The following DMKN variants were observed in gnomAD, a reference collection of about 807,000 sequenced individuals.
DMKN encodes epidermis-specific secreted protein SK30/SK89.
Under a neutral mutation model 67.6 loss-of-function variants are expected in DMKN, and 58 were observed. The observed-to-expected ratio is 0.86, with a 90% CI of 0.69 to 1.07. The LOEUF is 1.07. Ranked by LOEUF, DMKN falls within the 50% of genes least tolerant of loss-of-function variation. The pLI, the probability that DMKN is intolerant of heterozygous loss-of-function variation, is 0.00. For synonymous variants in DMKN, 240 were observed against 232.3 expected (o/e 1.03, Z -0.30); for missense variants, 596 against 601.5 (o/e 0.99, Z 0.10).
Position 35,511,474 on chromosome 19 carries a change from GCTGCCGCC to G in DMKN, c.847_854del (p.Gly283GlnfsTer14). ...CACTGTTGCCACTGCTGCCACCACT[GCTGCCGCC>G]ACTGCTGCCGCCACTGCTGCTGCCA... On this transcript the variant is annotated frameshift_variant, in exon 5 of 16. Coordinates refer to ENST00000339686, the MANE Select transcript of DMKN (RefSeq NM_033317.5). LOFTEE classifies it high-confidence loss of function. 1 of 934,740 alleles carries G rather than the reference GCTGCCGCC, an allele frequency of 1.1e-6. No individual in the cohort carries two copies. 57.9% of individuals were successfully genotyped at this position (934,740 alleles called of 1,614,324 possible).
chr19:35,512,848 G>C, intron 1 of DMKN, 58 bp from the exon 2 acceptor site: 4 of 1,571,014 alleles, frequency 2.5e-6, no homozygotes, highest in Non-Finnish European at 3.4e-6. Flanking sequence ...GTAGAGAAGA[G>C]CCAGGGCAAA....
intron 5 of DMKN, chr19:35,510,618 T>C: frequency 1.4e-6 from 2 of 1,422,884 alleles, no homozygotes; most frequent in Non-Finnish European, 1.9e-6. Context: ...GTAGCTGCCT[T>C]GGTCACCATT....
chr19:35,506,243 A>G, intron 7 of DMKN: 2 of 1,445,542 alleles, frequency 1.4e-6, no homozygotes, highest in Non-Finnish European at 1.8e-6. Context: ...CATGCCTGCC[A>G]CCTGTCAACC....
intron 11 of DMKN, among the ~76,000 whole-genome samples, chr19:35,501,001 G>A (rs552860388): frequency 5.9e-5 from 9 of 152,270 alleles, no homozygotes; most frequent in African/African-American, 2.2e-4. Context: ...TTGAAGGAGG[G>A]GTTGTTATCT....
In DMKN at chr19:35,513,350, G is replaced by A. The variant is rs1249455488; in HGVS notation, c.126C>T (p.Gly42=). 1 of 1,613,826 alleles carries A rather than the reference G, an allele frequency of 6.2e-7. No homozygotes were observed. The highest frequency in any genetic ancestry group is 8.5e-7 in the Non-Finnish European group (1 of 1,180,032). ...CCCCTTCGCTCAGGGCGTCTCCCAG[G>A]CCATGTCCAAGGGCCTCCCCAATAT... The part of the protein sequence containing the change: ...GTNIGEALGH[G]LGDALSEGVG... The change falls in exon 1 of 16, where the codon GGC becomes GGT. Residue 42 remains glycine, a synonymous_variant. Coordinates refer to ENST00000339686, the MANE Select transcript of DMKN (RefSeq NM_033317.5).
In DMKN at chr19:35,501,797, G is replaced by T. The variant is rs370780944; in HGVS notation, c.1239+339C>A. On this transcript the variant is annotated intron_variant, in intron 11 of 15. Coordinates refer to ENST00000339686, the MANE Select transcript of DMKN (RefSeq NM_033317.5). Reference sequence around the variant, plus strand: ...TTCTTCCCCTCAATACGATCTCCCCGCACCTGTGCACCCTGCGGTACCCAC... The same window carrying T: ...TTCTTCCCCTCAATACGATCTCCCCTCACCTGTGCACCCTGCGGTACCCAC... 32 of 1,544,564 alleles carry T rather than the reference G, an allele frequency of 2.1e-5. No individual in the cohort carries two copies. The South Asian group carries it at 3.7e-4, about 18-fold the overall frequency.
Position 35,511,574 on chromosome 19 carries a change from G to T in DMKN, c.755C>A (p.Ser252Ter). The change falls in exon 5 of 16, where the codon TCG becomes TAG. Residue 252 changes from serine (S) to a stop codon, truncating the protein, a stop_gained. Coordinates refer to ENST00000339686, the MANE Select transcript of DMKN (RefSeq NM_033317.5). LOFTEE classifies it high-confidence loss of function. ...ATTGCTGCCACTGCCACTGCTGCCC[G>T]ACTGTGAGCCGCTGCCTCCCTGAGG... ...SNSGGGSGSQSGSSGSGSNGD... is the reference protein window; with the variant it reads ...SNSGGGSGSQ The T allele has an allele frequency of 1.2e-6, 2 of 1,602,638 alleles. No individual in the cohort carries two copies. Among genetic ancestry groups the T allele is most frequent in the African/African-American group, 1.4e-5 (1 of 73,656 alleles).
At chr19:35,505,692 C>G in intron 9 of DMKN, 26 bp downstream of exon 9, 1 of 1,614,190 alleles carries the variant, frequency 6.2e-7, no homozygotes. Context: ...CTATAGCCCT[C>G]TCCGACGAAG....
chr19:35,510,188 G>A lies in DMKN; in HGVS notation c.983C>T (p.Pro328Leu), dbSNP rs761160879. 2 of 1,608,610 alleles carry A rather than the reference G, an allele frequency of 1.2e-6. No homozygotes were observed. Among genetic ancestry groups the A allele is most frequent in the Admixed American group, 3.4e-5 (2 of 59,400 alleles). ...AGATTCACGCCAGCCACTCACCCCG[G>A]GTTTATGTCCATTTCCTCCGCCGCT... Reference protein sequence around the residue: ...GGSGGGNGHKPGCEKPGNEAR... With the variant: ...GGSGGGNGHKLGCEKPGNEAR... Residue 328 changes from proline (P) to leucine (L), a missense_variant, in exon 6 of 16, where the codon CCC (proline) becomes CTC (leucine). Transcript: ENST00000339686.
chr19:35,501,833 C>A, intron 11 of DMKN: 1 of 1,574,334 alleles, frequency 6.4e-7, no homozygotes, highest in Non-Finnish European at 8.6e-7. Context: ...CCAGCCGTGG[C>A]TCCCCTGGGT....
At chr19:35,511,321 G>A (rs2070712770) in intron 5 of DMKN, 90 bp downstream of exon 5, 2 of 1,581,668 alleles carry the variant, frequency 1.3e-6, no homozygotes. Context: ...TCGGGCAGCG[G>A]CAGCTTTCAG....
chr19:35,505,086 GCC>G (rs2069188779), intron 9 of DMKN, among the ~76,000 whole-genome samples: 1 of 150,752 alleles, frequency 6.6e-6, no homozygotes, highest in Admixed American at 6.6e-5. Context: ...CGCAGCTTCT[GCC>G]GGGGGTGTGT....
chr19:35,506,057 G>A (rs2069441243), intron 7 of DMKN, 71 bp from the exon 8 acceptor site: 1 of 1,612,010 alleles, frequency 6.2e-7, no homozygotes, highest in Non-Finnish European at 8.5e-7. Flanking sequence ...GATCTGAGTG[G>A]CAGGAGGGGA....
chr19:35,505,026 A>T (rs1164993591), intron 9 of DMKN, among the ~76,000 whole-genome samples: 2 of 140,902 alleles, frequency 1.4e-5, no homozygotes, highest in Non-Finnish European at 3.0e-5. Context: ...CATATTCTTA[A>T]AAAAAAAAAA....
chr19:35,512,946 G>A (rs993975951), intron 1 of DMKN, 104 bp downstream of exon 1: 20 of 1,548,776 alleles, frequency 1.3e-5, no homozygotes, highest in Admixed American at 9.1e-5. Context: ...TGCCCCAGAA[G>A]CCTGCAAGTA....
At position 35,502,856 on chromosome 19, in the gene DMKN, G is replaced by A. The variant is rs1043832292; in HGVS notation, c.1165C>T (p.Leu389Phe). The A allele has an allele frequency of 3.0e-5, 48 of 1,614,120 alleles. No homozygotes were observed. The highest frequency in any genetic ancestry group is 4.1e-5 in the Non-Finnish European group (48 of 1,180,010). Residue 389 changes from leucine to phenylalanine, a missense_variant, in exon 10 of 16, where the codon CTC becomes TTC. Physicochemically the swap from Leu to Phe is conservative, Grantham distance 22. Transcript: ENST00000339686. The part of the protein sequence containing the change: ...NQVPPPSTRA[L>F]LYFSRLWEDF... The stretch of plus-strand genomic sequence containing the variant: ...TCCCAGAGTCGGCTGAAGTAGAGGA[G>A]GGCTCGGGTGCTGGGGGGCGGGACC...
intron 3 of DMKN, 34 bp from the exon 4 acceptor site, chr19:35,511,847 G>A (rs376456725): frequency 9.0e-5 from 144 of 1,600,106 alleles, no homozygotes; most frequent in Middle Eastern, 1.7e-4. Context: ...GTTTGGGGAC[G>A]GTGAGTTTGG....
At position 35,510,214 on chromosome 19, in the gene DMKN, C is replaced by G; in HGVS notation, c.957G>C (p.Gly319=). The G allele has an allele frequency of 6.2e-7, 1 of 1,609,432 alleles. No individual in the cohort carries two copies. The highest frequency in any genetic ancestry group is 8.5e-7 in the Non-Finnish European group (1 of 1,178,140). The change falls in exon 6 of 16, where the codon GGG becomes GGC. Residue 319 remains glycine, a synonymous_variant. Transcript: ENST00000339686. Reference sequence around the variant, plus strand: ...GTTTATGTCCATTTCCTCCGCCGCTCCCACCGTGGTTGCCGGAGGAGGAGC... The same window carrying G: ...GTTTATGTCCATTTCCTCCGCCGCTGCCACCGTGGTTGCCGGAGGAGGAGC... ...STGSSSGNHG[G]SGGGNGHKPG...
intron 7 of DMKN, among the ~76,000 whole-genome samples, chr19:35,509,180 C>T (rs2070212263): frequency 6.6e-6 from 1 of 152,112 alleles, no homozygotes; most frequent in Non-Finnish European, 1.5e-5. Flanking sequence ...CAGATCGCAC[C>T]ACTGCCCTCC....
Sources: allele counts gnomAD v4.1 joint callset (sites outside exome capture counted in the v4.1 genomes callset), GRCh38; gene constraint gnomAD v4.1.1; transcripts MANE v1.5; gene names NCBI Gene and HGNC (gene_info 2026-07-23, HGNC 2026-07-21).